The following ITGAE variants were observed in gnomAD, a reference collection of about 807,000 sequenced individuals.
The protein encoded by ITGAE is integrin subunit alpha E.
ITGAE carries 99 observed loss-of-function variants against 136.5 expected under a neutral mutation model. The observed-to-expected ratio is 0.73, with a 90% CI of 0.62 to 0.86. The LOEUF (loss-of-function observed/expected upper bound fraction) is 0.86. Ranked by LOEUF, ITGAE falls within the 40% of genes least tolerant of loss-of-function variation. The pLI, the probability that ITGAE is intolerant of heterozygous loss-of-function variation, is 0.00. For synonymous variants in ITGAE, 613 were observed against 591.8 expected (o/e 1.04, Z -0.52); for missense variants, 1,447 against 1,515.3 (o/e 0.95, Z 0.75).
intron 2 of ITGAE, among the ~76,000 whole-genome samples, chr17:3,772,885 C>T (rs2052459483): frequency 6.6e-6 from 1 of 152,142 alleles, no homozygotes; most frequent in South Asian, 2.1e-4. Context: ...CCAGTGACCC[C>T]AGGTGGGTGG....
chr17:3,724,693 C>T, intron 26 of ITGAE: 2 of 1,614,186 alleles, frequency 1.2e-6, no homozygotes, highest in Non-Finnish European at 1.7e-6. Context: ...AACTCAGGAA[C>T]CCCTGAGGAT....
intron 1 of ITGAE, among the ~76,000 whole-genome samples, chr17:3,780,733 C>A (rs1370449912): frequency 6.6e-6 from 1 of 152,024 alleles, no homozygotes; most frequent in African/African-American, 2.4e-5. Flanking sequence ...CAAGATCTCA[C>A]TCTGTTGCCC....
intron 1 of ITGAE, among the ~76,000 whole-genome samples, chr17:3,795,938 T>C (rs1275483126): frequency 6.7e-6 from 1 of 149,084 alleles, no homozygotes; most frequent in South Asian, 2.1e-4. Flanking sequence ...TCCGTGTGTG[T>C]GCATCCGTGT....
chr17:3,734,677 T>G, intron 21 of ITGAE, 140 bp downstream of exon 21: 1 of 1,005,714 alleles, frequency 9.9e-7, no homozygotes. Flanking sequence ...CGGGGATTTA[T>G]CTAGTTATTA....
chr17:3,746,514 G>A (rs1289291934), intron 17 of ITGAE, among the ~76,000 whole-genome samples: 7 of 150,984 alleles, frequency 4.6e-5, no homozygotes, highest in African/African-American at 9.8e-5. Flanking sequence ...GGAGTGCAGC[G>A]GCGCGATCTT....
At chr17:3,769,929 G>A (rs1427259858) in intron 2 of ITGAE, among the ~76,000 whole-genome samples, 2 of 152,062 alleles carry the variant, frequency 1.3e-5, no homozygotes, top group Admixed American at 6.6e-5. Flanking sequence ...CTGAGCTCAG[G>A]TGATCTGCCT....
intron 1 of ITGAE, among the ~76,000 whole-genome samples, chr17:3,783,367 G>T (rs1365185949): frequency 6.6e-6 from 1 of 151,886 alleles, no homozygotes; most frequent in Non-Finnish European, 1.5e-5. Context: ...TCTCATACTC[G>T]TCCTGACCTC....
At chr17:3,786,390 G>T (rs1350329424) in intron 1 of ITGAE, among the ~76,000 whole-genome samples, 1 of 152,014 alleles carries the variant, frequency 6.6e-6, no homozygotes, top group Non-Finnish European at 1.5e-5. Context: ...AACATTTAAA[G>T]AGAAATAATG....
chr17:3,777,011 A>G (rs952043101), intron 2 of ITGAE, among the ~76,000 whole-genome samples: 6 of 141,292 alleles, frequency 4.2e-5, no homozygotes, highest in Admixed American at 7.4e-5. Flanking sequence ...CCCAGGCTGG[A>G]GTGCAGTGGC....
intron 1 of ITGAE, among the ~76,000 whole-genome samples, chr17:3,777,995 C>G (rs1218160693): frequency 6.6e-6 from 1 of 152,168 alleles, no homozygotes; most frequent in Non-Finnish European, 1.5e-5. Context: ...GCGTCTTGTA[C>G]TGAAGTTACA....
At chr17:3,765,144 T>C (rs981194410) in intron 2 of ITGAE, among the ~76,000 whole-genome samples, 6 of 151,396 alleles carry the variant, frequency 4.0e-5, no homozygotes, top group Non-Finnish European at 8.8e-5. Context: ...GGTCAGGAGA[T>C]CGAGACCATC....
chr17:3,796,150 T>TGTGTGTGTGCATCC (rs2053092383), intron 1 of ITGAE, among the ~76,000 whole-genome samples: 6 of 13,524 alleles, frequency 4.4e-4, no homozygotes, highest in Admixed American at 1.3e-3. Flanking sequence ...TGTGCATCCG[T>TGTGTGTGTGCATCC]GTGTGTGTGT....
intron 1 of ITGAE, 44 bp downstream of exon 1, chr17:3,801,067 T>C: frequency 6.2e-7 from 1 of 1,608,064 alleles, no homozygotes; most frequent in South Asian, 1.1e-5. Flanking sequence ...TGGCTGGAGC[T>C]GAGGGCACAG....
chr17:3,725,111 G>A (rs2051176395), intron 26 of ITGAE: 3 of 1,614,204 alleles, frequency 1.9e-6, no homozygotes, highest in Middle Eastern at 1.6e-4. Context: ...GTTTCCACAA[G>A]AAGAAAATTG....
intron 10 of ITGAE, 126 bp downstream of exon 10, chr17:3,756,858 A>T (rs572085493): frequency 9.6e-7 from 1 of 1,042,622 alleles, no homozygotes; most frequent in East Asian, 2.5e-5. Context: ...CTTTTTAGAC[A>T]TGGAAGAGCT....
At chr17:3,731,335 C>CTTTT (rs78134599) in intron 22 of ITGAE, 152 bp from the exon 23 acceptor site, 33 of 398,702 alleles carry the variant, frequency 8.3e-5, no homozygotes, top group Middle Eastern at 4.5e-4. Flanking sequence ...CTTTCCCTTC[C>CTTTT]TTTTTTTTTT....
rs148246094 is a variant in ITGAE at position 3,719,830 on chromosome 17, C to T, written c.3333+477G>A. Among the ~76,000 whole-genome samples, 666 of 152,052 alleles carry T rather than the reference C, an allele frequency of 4.4e-3. 8 individuals carry two copies. Among genetic ancestry groups the T allele is most frequent in the African/African-American group, 0.015 (637 of 41,446 alleles). ...GCAACCTCTGCCTCCCAGATTCAAGCGATTCTCGTGCCTCAGCCTCCCAAG... is the reference window on the plus strand; with the variant it reads ...GCAACCTCTGCCTCCCAGATTCAAGTGATTCTCGTGCCTCAGCCTCCCAAG... On this transcript the variant is annotated intron_variant, in intron 29 of 30. Coordinates refer to ENST00000263087, the MANE Select transcript of ITGAE (RefSeq NM_002208.5).
At chr17:3,715,017 G>A in intron 30 of ITGAE, 75 bp from the exon 31 acceptor site, 2 of 831,238 alleles carry the variant, frequency 2.4e-6, no homozygotes, top group Non-Finnish European at 4.0e-6. Context: ...CATTCTGGCT[G>A]TTGCCTAAAT....
intron 19 of ITGAE, among the ~76,000 whole-genome samples, chr17:3,741,379 G>A (rs933466341): frequency 4.0e-5 from 6 of 151,666 alleles, no homozygotes; most frequent in African/African-American, 1.2e-4. Flanking sequence ...GAGCCCCCGC[G>A]CCCGGCCTTT....
Sources: gnomAD v4.1 joint callset for allele counts (sites outside exome capture counted in the v4.1 genomes callset) on GRCh38, gnomAD v4.1.1 for gene constraint, MANE v1.5 for transcripts, NCBI Gene and HGNC (gene_info 2026-07-23, HGNC 2026-07-21) for gene names.